MACIR: variants seen among roughly 807,000 people sequenced by gnomAD.
MACIR encodes the protein UNC119-binding protein C5orf30.
MACIR carries 4 observed loss-of-function variants against 14.3 expected under a neutral mutation model. The ratio of observed to expected loss-of-function variants is 0.28; its 90% CI spans 0.14 to 0.64. The LOEUF is 0.64. MACIR is among the 30% of genes least tolerant of loss of function. The pLI is 0.83. For missense variants in MACIR, 228 were observed against 257.6 expected (o/e 0.89, Z 0.79); for synonymous variants, 101 against 102.4 (o/e 0.99, Z 0.08).
Position 103,275,947 on chromosome 5 carries a change from A to G in MACIR, c.28A>G (p.Arg10Gly), listed in dbSNP as rs548779142. ...GGAAGTCGATATTAATGGAGAGTCTAGAAGTACCCTGACCACCTTGCCCTT... is the reference window on the plus strand; with the variant it reads ...GGAAGTCGATATTAATGGAGAGTCTGGAAGTACCCTGACCACCTTGCCCTT... Reference protein sequence around the residue: MEVDINGESRSTLTTLPFPG... With the variant: MEVDINGESGSTLTTLPFPG... The change falls in exon 3 of 3, where the codon AGA (arginine) becomes GGA (glycine). Residue 10 changes from arginine to glycine, a missense_variant. Physicochemically the swap from Arg to Gly is moderately radical, Grantham distance 125. Transcript: ENST00000319933. 1 of 1,613,660 alleles carries G rather than the reference A, an allele frequency of 6.2e-7. No homozygotes were observed. The highest frequency in any genetic ancestry group is 1.3e-5 in the African/African-American group (1 of 75,050).
At chr5:103,274,318 T>C (rs1205082829) in intron 2 of MACIR, among the ~76,000 whole-genome samples, 1 of 151,580 alleles carries the variant, frequency 6.6e-6, no homozygotes, top group Non-Finnish European at 1.5e-5. Context: ...ATTCCAGTAC[T>C]ATCAACAGAG....
chr5:103,270,085 C>T (rs1036923902), intron 2 of MACIR, among the ~76,000 whole-genome samples: 3 of 152,104 alleles, frequency 2.0e-5, no homozygotes, highest in Non-Finnish European at 4.4e-5. Flanking sequence ...CATCTCCTTT[C>T]TTCTTTTGAT....
chr5:103,263,851 T>C (rs1554236523), intron 1 of MACIR, among the ~76,000 whole-genome samples: 1 of 152,198 alleles, frequency 6.6e-6, no homozygotes, highest in East Asian at 1.9e-4. Context: ...AACCAGACGG[T>C]ATTGGTTGAT....
At chr5:103,260,025 C>T (rs74744526) in intron 1 of MACIR, among the ~76,000 whole-genome samples, 1 of 151,106 alleles carries the variant, frequency 6.6e-6, no homozygotes, top group Non-Finnish European at 1.5e-5. Context: ...CAGTGGGTTA[C>T]TGATTTGGGT....
Position 103,276,721 on chromosome 5 carries a change from G to T in MACIR, c.*181G>T, listed in dbSNP as rs1180384914. On this transcript the variant is annotated 3_prime_UTR_variant, in exon 3 of 3. Coordinates refer to ENST00000319933, the MANE Select transcript of MACIR (RefSeq NM_033211.4). ...AGGAATGAAATCACAGGTACTTGGGGGGGGGATATCATTCTAGAGCACGCA... is the reference window on the plus strand; with the variant it reads ...AGGAATGAAATCACAGGTACTTGGGTGGGGGATATCATTCTAGAGCACGCA... 5 of 516,392 alleles carry T rather than the reference G, an allele frequency of 9.7e-6. No individual in the cohort carries two copies. Among genetic ancestry groups the T allele is most frequent in the South Asian group, 4.7e-5 (1 of 21,362 alleles). 32.0% of individuals were successfully genotyped at this position (516,392 alleles called of 1,614,324 possible).
chr5:103,267,977 G>A (rs1344044654), intron 2 of MACIR, among the ~76,000 whole-genome samples: 2 of 152,160 alleles, frequency 1.3e-5, no homozygotes, highest in Non-Finnish European at 1.5e-5. Context: ...GTATATAGGT[G>A]TAATGTCTGC....
At position 103,267,526 on chromosome 5, in the gene MACIR, A is replaced by G. The variant is rs77040673; in HGVS notation, c.-24+1529A>G. Among the ~76,000 whole-genome samples the G allele has an allele frequency of 3.2e-3, 483 of 152,288 alleles. 1 individual carries two copies. The Middle Eastern group carries it at 0.034, about 11-fold the overall frequency. ...ATATGTGTAAATAAATCGACATTCT[A>G]GCAGAGCTGCACAAGGTGAAATGAG... is the stretch of plus-strand genomic sequence containing the variant. On this transcript the variant is annotated intron_variant, in intron 2 of 2. Transcript: ENST00000319933.
chr5:103,259,514 G>T (rs1554236003), intron 1 of MACIR: 1 of 152,186 alleles, frequency 6.6e-6, no homozygotes, highest in Non-Finnish European at 1.5e-5. Context: ...CTTTGGCTGC[G>T]TGCCCGGCCG....
intron 1 of MACIR, among the ~76,000 whole-genome samples, chr5:103,261,705 CCTTTCTTTCTTT>C (rs149579800): frequency 3.2e-5 from 2 of 62,860 alleles, no homozygotes; most frequent in South Asian, 6.5e-4. Flanking sequence ...TTTCTTTCTT[CCTTTCTTTCTTT>C]CTTTCTTTCT....
At chr5:103,258,440 G>C (rs951744095), upstream of MACIR, among the ~76,000 whole-genome samples, 1 of 152,052 alleles carries the variant, frequency 6.6e-6, no homozygotes, top group African/African-American at 2.4e-5. Context: ...TCCCAGGTCC[G>C]CAAGTTGGAG....
chr5:103,275,440 C>T (rs1250291043), intron 2 of MACIR, among the ~76,000 whole-genome samples: 1 of 152,144 alleles, frequency 6.6e-6, no homozygotes, highest in African/African-American at 2.4e-5. Flanking sequence ...GAGCTAAGCA[C>T]TTACTTTAAA....
intron 2 of MACIR, among the ~76,000 whole-genome samples, chr5:103,274,466 A>G (rs1321530186): frequency 6.6e-6 from 1 of 151,852 alleles, no homozygotes; most frequent in Non-Finnish European, 1.5e-5. Context: ...TAAAAATGGC[A>G]AATAGTCTAA....
chr5:103,272,711 G>A (rs1805178526), intron 2 of MACIR, among the ~76,000 whole-genome samples: 1 of 152,050 alleles, frequency 6.6e-6, no homozygotes, highest in East Asian at 1.9e-4. Context: ...TGTGTAGAAG[G>A]GCAATATATA....
At chr5:103,274,053 G>T (rs1805232380) in intron 2 of MACIR, among the ~76,000 whole-genome samples, 1 of 152,048 alleles carries the variant, frequency 6.6e-6, no homozygotes, top group African/African-American at 2.4e-5. Flanking sequence ...TTCCTTCTCA[G>T]GATGAAATAT....
rs1554237733 is a variant in MACIR at position 103,276,409 on chromosome 5, C to T, written c.490C>T (p.His164Tyr). The T allele has an allele frequency of 2.5e-6, 4 of 1,613,966 alleles. No individual in the cohort carries two copies. The highest frequency in any genetic ancestry group is 1.7e-5 in the Admixed American group (1 of 59,992). The change falls in exon 3 of 3, where the codon CAC (histidine) becomes TAC (tyrosine). Residue 164 changes from histidine to tyrosine, a missense_variant. By Grantham distance (83) the His-to-Tyr change is moderately conservative (BLOSUM62 2). Transcript: ENST00000319933. The part of the protein sequence containing the change: ...PLCLLKGKRA[H>Y]SKSLDYLNLD... ...TTGTCTTCTTAAAGGTAAGAGGGCT[C>T]ACTCCAAATCTCTGGACTACCTCAA...
rs551663243 is a variant in MACIR at position 103,275,366 on chromosome 5, G to A, written c.-23-531G>A. ...TAAATTGGATTCCTTGCAGAAATTC[G>A]TCAGCTCAATCAACTTTATTATATG... On this transcript the variant is annotated intron_variant, in intron 2 of 2. Transcript: ENST00000319933. 1.6e-3 allele frequency among the ~76,000 whole-genome samples: 251 copies of A among 152,226 alleles called. 2 individuals carry two copies. The highest frequency in any genetic ancestry group is 4.6e-3 in the Admixed American group (71 of 15,296).
In MACIR at chr5:103,276,725, G is replaced by GC. The variant is rs1805351504; in HGVS notation, c.*185_*186insC. On this transcript the variant is annotated 3_prime_UTR_variant, in exon 3 of 3. Coordinates refer to ENST00000319933, the MANE Select transcript of MACIR (RefSeq NM_033211.4). Reference sequence around the variant, plus strand: ...ATGAAATCACAGGTACTTGGGGGGGGGATATCATTCTAGAGCACGCAACTG... The same window carrying GC: ...ATGAAATCACAGGTACTTGGGGGGGGCGATATCATTCTAGAGCACGCAACTG... 2.0e-6 allele frequency: 1 copy of GC among 508,276 alleles called. No individual in the cohort carries two copies. Among genetic ancestry groups the GC allele is most frequent in the African/African-American group, 1.9e-5 (1 of 51,368 alleles). The allele number at this position is 508,276 out of a possible 1,614,324, so 31.5% of individuals were successfully genotyped here.
In MACIR at chr5:103,278,173, T is replaced by A. The variant is rs185625918; in HGVS notation, c.*1633T>A. ...GTATATTTTAAAGTAAATTGCACCT[T>A]TGTAACATATTGTATTGACGAATGA... On this transcript the variant is annotated 3_prime_UTR_variant, in exon 3 of 3. Transcript: ENST00000319933. 146 of 167,160 alleles carry A rather than the reference T, an allele frequency of 8.7e-4. No homozygotes were observed. The highest frequency in any genetic ancestry group is 1.7e-3 in the Non-Finnish European group (118 of 68,084). 10.4% of individuals were successfully genotyped at this position (167,160 alleles called of 1,614,324 possible).
At chr5:103,261,496 T>TA (rs1247751349) in intron 1 of MACIR, among the ~76,000 whole-genome samples, 1 of 152,196 alleles carries the variant, frequency 6.6e-6, no homozygotes, top group Non-Finnish European at 1.5e-5. Flanking sequence ...TTACTTGTTT[T>TA]TAGTGGTCTT....
Sources: allele counts gnomAD v4.1 joint callset (sites outside exome capture counted in the v4.1 genomes callset), GRCh38; gene constraint gnomAD v4.1.1; transcripts MANE v1.5; gene names NCBI Gene and HGNC (gene_info 2026-07-23, HGNC 2026-07-21).